Variants in CLSTN2 observed in about 807,000 individuals in gnomAD.
CLSTN2 encodes calsyntenin-2.
CLSTN2 carries 48 observed loss-of-function variants against 101.2 expected under a neutral mutation model. That is an observed-to-expected ratio of 0.47 (90% CI 0.38 to 0.60). The LOEUF is 0.60. Among genes scored for constraint, CLSTN2 ranks in the 20% least tolerant of loss-of-function variants. The pLI is 0.00. For synonymous variants in CLSTN2, 481 were observed against 463.6 expected, an observed-to-expected ratio of 1.04 and a Z score of -0.48; for missense variants, 1,160 against 1,238.2, an observed-to-expected ratio of 0.94 and a Z score of 0.95.
chr3:140,544,128 C>T (rs1307783590), intron 9 of CLSTN2, among the ~76,000 whole-genome samples: 11 of 152,244 alleles, frequency 7.2e-5, no homozygotes, highest in African/African-American at 1.7e-4. Flanking sequence ...AATTACAAAA[C>T]GTCCGCTATG....
intron 2 of CLSTN2, among the ~76,000 whole-genome samples, chr3:140,381,743 C>A (rs959594649): frequency 6.6e-6 from 1 of 152,188 alleles, no homozygotes; most frequent in African/African-American, 2.4e-5. Context: ...CCAGATGTTT[C>A]CAGCAAAAGC....
chr3:140,554,951 A>G (rs1283629993), intron 10 of CLSTN2, among the ~76,000 whole-genome samples: 3 of 152,270 alleles, frequency 2.0e-5, no homozygotes, highest in Non-Finnish European at 2.9e-5. Flanking sequence ...TTATATATTT[A>G]TAAGAATACT....
chr3:140,230,276 T>C (rs943270152), intron 2 of CLSTN2, among the ~76,000 whole-genome samples: 1 of 152,098 alleles, frequency 6.6e-6, no homozygotes, highest in Non-Finnish European at 1.5e-5. Context: ...TATGGCAGTG[T>C]TGTGTGGTCA....
intron 1 of CLSTN2, among the ~76,000 whole-genome samples, chr3:140,056,705 T>C (rs1193879027): frequency 6.6e-6 from 1 of 152,164 alleles, no homozygotes; most frequent in Non-Finnish European, 1.5e-5. Flanking sequence ...GCACCTACAG[T>C]TGTGGACCTA....
At chr3:140,195,596 A>G (rs1158770951) in intron 2 of CLSTN2, among the ~76,000 whole-genome samples, 1 of 152,226 alleles carries the variant, frequency 6.6e-6, no homozygotes, top group Non-Finnish European at 1.5e-5. Context: ...CAAGGCTGCC[A>G]GATCTTGTCA....
chr3:140,415,624 A>G (rs576852455), intron 4 of CLSTN2, among the ~76,000 whole-genome samples: 1 of 152,292 alleles, frequency 6.6e-6, no homozygotes, highest in East Asian at 1.9e-4. Flanking sequence ...AACTACCAGT[A>G]AAATGCAAAT....
At chr3:139,968,434 T>C (rs1018506539) in intron 1 of CLSTN2, among the ~76,000 whole-genome samples, 1 of 152,234 alleles carries the variant, frequency 6.6e-6, no homozygotes, top group Non-Finnish European at 1.5e-5. Flanking sequence ...AGTTGATTAA[T>C]GCCACTATCA....
intron 8 of CLSTN2, among the ~76,000 whole-genome samples, chr3:140,521,071 G>GAGTT (rs1935017562): frequency 1.0e-5 from 1 of 96,574 alleles, no homozygotes; most frequent in East Asian, 3.6e-4. Flanking sequence ...TTTTTGCATT[G>GAGTT]AGTTACAACA....
chr3:140,106,823 C>T (rs1018231281), intron 1 of CLSTN2, among the ~76,000 whole-genome samples: 1 of 152,172 alleles, frequency 6.6e-6, no homozygotes, highest in African/African-American at 2.4e-5. Context: ...ATTATAAAAG[C>T]ATGCTAATTA....
intron 4 of CLSTN2, among the ~76,000 whole-genome samples, chr3:140,419,269 G>A (rs1222344057): frequency 6.6e-6 from 1 of 150,634 alleles, no homozygotes; most frequent in Non-Finnish European, 1.5e-5. Flanking sequence ...GATCACCTGA[G>A]ATCACGAGTT....
intron 2 of CLSTN2, among the ~76,000 whole-genome samples, chr3:140,384,575 G>A (rs929705947): frequency 8.5e-5 from 13 of 152,150 alleles, no homozygotes; most frequent in African/African-American, 2.9e-4. Flanking sequence ...GCATGTTTAA[G>A]AAAGTCCCTT....
intron 12 of CLSTN2, among the ~76,000 whole-genome samples, chr3:140,559,668 G>T (rs1935871171): frequency 6.6e-6 from 1 of 152,052 alleles, no homozygotes; most frequent in Non-Finnish European, 1.5e-5. Context: ...AATTTCAGAA[G>T]TGTCCTTTGC....
intron 8 of CLSTN2, among the ~76,000 whole-genome samples, chr3:140,521,298 G>T (rs1362235672): frequency 2.6e-5 from 4 of 152,252 alleles, no homozygotes; most frequent in Non-Finnish European, 5.9e-5. Flanking sequence ...TGAGGTTGCT[G>T]ACCTTTGAAT....
chr3:140,166,596 C>T (rs1334993099), intron 1 of CLSTN2, among the ~76,000 whole-genome samples: 1 of 152,056 alleles, frequency 6.6e-6, no homozygotes, highest in Non-Finnish European at 1.5e-5. Context: ...TTGGATGGAG[C>T]ATTAATACAC....
intron 2 of CLSTN2, among the ~76,000 whole-genome samples, chr3:140,200,648 G>A (rs6793696): frequency 0.021 from 3,153 of 152,146 alleles, 112 homozygotes; most frequent in African/African-American, 0.071. Flanking sequence ...CTTGTCCTAA[G>A]GCACTAGAGT....
At chr3:140,258,082 T>C (rs1295085036) in intron 2 of CLSTN2, among the ~76,000 whole-genome samples, 2 of 152,212 alleles carry the variant, frequency 1.3e-5, no homozygotes, top group Non-Finnish European at 2.9e-5. Flanking sequence ...TTTGTTATTC[T>C]TTAATGATTG....
chr3:139,956,906 T>C (rs1216117091), intron 1 of CLSTN2, among the ~76,000 whole-genome samples: 1 of 152,218 alleles, frequency 6.6e-6, no homozygotes, highest in East Asian at 1.9e-4. Flanking sequence ...CAAGGCTGTG[T>C]CTGCTTCATC....
chr3:140,285,402 C>T (rs955378116), intron 2 of CLSTN2, among the ~76,000 whole-genome samples: 13 of 152,184 alleles, frequency 8.5e-5, no homozygotes, highest in East Asian at 7.7e-4. Flanking sequence ...TATGCCCTCA[C>T]GCTTCAGGTC....
At position 140,575,730 on chromosome 3, in the gene CLSTN2, T is replaced by C. The variant is rs1184043579; in HGVS notation, c.*9477T>C. 1 of 152,044 alleles carries C rather than the reference T, an allele frequency of 6.6e-6. No homozygotes were observed. The highest frequency in any genetic ancestry group is 1.5e-5 in the Non-Finnish European group (1 of 68,012). The allele number at this position is 152,044 out of a possible 1,614,324, so 9.4% of individuals were successfully genotyped here. A position where few individuals can be genotyped will look rare whatever the true frequency, so the allele number is the denominator to read the frequency against. On this transcript the variant is annotated 3_prime_UTR_variant, in exon 17 of 17. Transcript: ENST00000458420. ...GGAGGAGAGAATGATTTGGTAGGGG[T>C]ATTCGAGAAATTTGAGTACAAAATA...
Sources: allele counts gnomAD v4.1 joint callset (sites outside exome capture counted in the v4.1 genomes callset), GRCh38; gene constraint gnomAD v4.1.1; transcripts MANE v1.5; gene names NCBI Gene and HGNC (gene_info 2026-07-23, HGNC 2026-07-21).